The following CMSS1 variants were observed in gnomAD, a reference collection of about 807,000 sequenced individuals.
CMSS1 encodes protein CMSS1.
Under a neutral mutation model 43.5 loss-of-function variants are expected in CMSS1, and 33 were observed. That is an observed-to-expected ratio of 0.76 (90% CI 0.57 to 1.01). The LOEUF is 1.01. CMSS1 is among the 50% of genes least tolerant of loss of function. CMSS1 has a pLI of 0.00. For missense variants in CMSS1, 313 were observed against 326.4 expected (o/e 0.96, Z 0.32); for synonymous variants, 115 against 117.2 (o/e 0.98, Z 0.12).
chr3:99,828,633 T>G (rs1387923295), intron 1 of CMSS1, among the ~76,000 whole-genome samples: 4 of 151,168 alleles, frequency 2.6e-5, no homozygotes, highest in African/African-American at 9.7e-5. Flanking sequence ...TTTTTTTTCT[T>G]TTCGGAGAGA....
chr3:100,058,488 G>A (rs2065503812), intron 1 of CMSS1, among the ~76,000 whole-genome samples: 1 of 152,192 alleles, frequency 6.6e-6, no homozygotes. Context: ...TCCCATTGAT[G>A]ACCTCCTCTC....
intron 4 of CMSS1, among the ~76,000 whole-genome samples, chr3:100,164,945 C>T (rs556524004): frequency 6.6e-6 from 1 of 152,222 alleles, no homozygotes; most frequent in African/African-American, 2.4e-5. Flanking sequence ...ATTAGGATTT[C>T]AAGGTTGGAG....
chr3:99,962,048 A>G (rs1460096494), intron 1 of CMSS1, among the ~76,000 whole-genome samples: 1 of 152,162 alleles, frequency 6.6e-6, no homozygotes, highest in African/African-American at 2.4e-5. Context: ...TTTCTGCAGG[A>G]CACACCACAC....
intron 1 of CMSS1, chr3:100,110,098 A>C (rs926374844): frequency 6.6e-6 from 1 of 152,018 alleles, no homozygotes; most frequent in African/African-American, 2.4e-5. Flanking sequence ...GGAATATAAT[A>C]TTTTTACATT....
Position 100,052,052 on chromosome 3 carries a change from A to G in CMSS1, c.65-94921A>G, listed in dbSNP as rs955105252. On this transcript the variant is annotated intron_variant, in intron 1 of 9. Transcript: ENST00000421999. Reference sequence around the variant, plus strand: ...TTACCAACTCACCCTTAAATGATCTATATTATTATGTCATATGTGTTATTT... The same window carrying G: ...TTACCAACTCACCCTTAAATGATCTGTATTATTATGTCATATGTGTTATTT... 9.3e-4 allele frequency among the ~76,000 whole-genome samples: 142 copies of G among 152,096 alleles called. 1 individual carries two copies. The highest frequency in any genetic ancestry group is 3.0e-3 in the African/African-American group (126 of 41,532).
At chr3:100,123,242 G>A (rs1040012240) in intron 1 of CMSS1, among the ~76,000 whole-genome samples, 21 of 152,218 alleles carry the variant, frequency 1.4e-4, no homozygotes, top group Admixed American at 1.1e-3. Context: ...GGAGTGATGT[G>A]AAGGAGCTAG....
At chr3:100,031,141 T>C (rs2065015748) in intron 1 of CMSS1, among the ~76,000 whole-genome samples, 1 of 152,276 alleles carries the variant, frequency 6.6e-6, no homozygotes, top group East Asian at 1.9e-4. Flanking sequence ...GACATCAGCA[T>C]TTTTAGACTA....
intron 1 of CMSS1, among the ~76,000 whole-genome samples, chr3:100,098,289 C>T (rs932514913): frequency 6.6e-6 from 1 of 152,192 alleles, no homozygotes; most frequent in Middle Eastern, 3.2e-3. Flanking sequence ...AGTAAAGAAA[C>T]AAGCACTGTG....
intron 1 of CMSS1, among the ~76,000 whole-genome samples, chr3:99,891,282 A>G (rs540683961): frequency 8.5e-4 from 129 of 152,024 alleles, no homozygotes; most frequent in Non-Finnish European, 1.6e-3. Context: ...CTGACAGTTT[A>G]GCTCTTTGAA....
At chr3:99,902,862 A>G (rs1281608859) in intron 1 of CMSS1, among the ~76,000 whole-genome samples, 4 of 152,218 alleles carry the variant, frequency 2.6e-5, no homozygotes, top group African/African-American at 7.2e-5. Flanking sequence ...TAGATGATAA[A>G]TTGATAGATT....
At chr3:99,937,093 A>G (rs1015535062) in intron 1 of CMSS1, among the ~76,000 whole-genome samples, 2 of 152,116 alleles carry the variant, frequency 1.3e-5, no homozygotes, top group East Asian at 1.9e-4. Flanking sequence ...GCCTGCCATC[A>G]TGTGGCTAAT....
intron 1 of CMSS1, among the ~76,000 whole-genome samples, chr3:99,991,526 C>A (rs1709509610): frequency 6.6e-6 from 1 of 151,964 alleles, no homozygotes; most frequent in South Asian, 2.1e-4. Context: ...ATGGTCAAGT[C>A]TGGGCTTTTA....
intron 1 of CMSS1, among the ~76,000 whole-genome samples, chr3:100,125,720 G>A (rs945378468): frequency 6.6e-6 from 1 of 152,170 alleles, no homozygotes; most frequent in African/African-American, 2.4e-5. Flanking sequence ...TCCTGTGGAT[G>A]AAAGGGGCAT....
At chr3:99,999,740 G>T (rs374267054) in intron 1 of CMSS1, among the ~76,000 whole-genome samples, 48 of 152,274 alleles carry the variant, frequency 3.2e-4, no homozygotes, top group African/African-American at 1.2e-3. Context: ...GCCCTGGGTT[G>T]TTTCTCATGG....
chr3:99,970,408 T>G (rs533874451), intron 1 of CMSS1, among the ~76,000 whole-genome samples: 1 of 152,340 alleles, frequency 6.6e-6, no homozygotes, highest in Admixed American at 6.5e-5. Context: ...ATAAATGCTG[T>G]AAAGGAAATG....
chr3:100,098,873 A>C (rs1175246185), intron 1 of CMSS1, among the ~76,000 whole-genome samples: 1 of 152,208 alleles, frequency 6.6e-6, no homozygotes, highest in African/African-American at 2.4e-5. Context: ...ATTCCAGCTG[A>C]TAAGAAATAT....
At chr3:99,968,976 A>AC (rs1466193535) in intron 1 of CMSS1, among the ~76,000 whole-genome samples, 1 of 151,448 alleles carries the variant, frequency 6.6e-6, no homozygotes, top group African/African-American at 2.4e-5. Flanking sequence ...AAGAAAAAAA[A>AC]ATTCATTTGA....
chr3:99,950,573 C>T (rs1046450037), intron 1 of CMSS1, among the ~76,000 whole-genome samples: 3 of 152,122 alleles, frequency 2.0e-5, no homozygotes, highest in African/African-American at 7.2e-5. Context: ...GGATAGTATA[C>T]TTGAAGTTTT....
Position 100,178,322 on chromosome 3 carries a change from C to T in CMSS1, c.774C>T (p.Phe258=), listed in dbSNP as rs775530421. The T allele has an allele frequency of 9.9e-6, 16 of 1,611,580 alleles. No homozygotes were observed. The East Asian group carries it at 1.6e-4, about 16-fold the overall frequency. Residue 258 remains phenylalanine, a synonymous_variant, in exon 10 of 10, where the codon TTC becomes TTT. Transcript: ENST00000421999. The part of the protein sequence containing the change: ...MDIPEIRKEV[F]ELLEMGVLSL... The stretch of plus-strand genomic sequence containing the variant: ...TCATTTAGATAAGAAAGGAGGTATT[C>T]GAACTTCTGGAAATGGGAGTGCTCA...
Sources: gnomAD v4.1 joint callset for allele counts (sites outside exome capture counted in the v4.1 genomes callset) on GRCh38, gnomAD v4.1.1 for gene constraint, MANE v1.5 for transcripts, NCBI Gene and HGNC (gene_info 2026-07-23, HGNC 2026-07-21) for gene names.